Variants in GRIP2 observed in about 807,000 individuals in gnomAD.
GRIP2 encodes glutamate receptor-interacting protein 2.
GRIP2 carries 58 observed loss-of-function variants against 108.3 expected under a neutral mutation model. The observed-to-expected ratio is 0.54, with a 90% CI of 0.43 to 0.67. GRIP2 has a LOEUF of 0.67. GRIP2 is among the 30% of genes least tolerant of loss of function. The pLI is 0.00. For missense variants in GRIP2, 1,278 were observed against 1,430.6 expected (o/e 0.89, Z 1.72); for synonymous variants, 586 against 598.2 (o/e 0.98, Z 0.30).
intron 1 of GRIP2, among the ~76,000 whole-genome samples, chr3:14,539,176 T>C (rs1694902445): frequency 6.6e-6 from 1 of 152,044 alleles, no homozygotes; most frequent in Admixed American, 6.5e-5. Flanking sequence ...AACTGCAAAA[T>C]GGAGAGAATA....
chr3:14,588,335 C>G, the GRIP2 span, among the ~76,000 whole-genome samples: 2 of 152,130 alleles, frequency 1.3e-5, no homozygotes, highest in Non-Finnish European at 1.5e-5. Flanking sequence ...TGTGAGGAAC[C>G]CCGGCCTCCC....
chr3:14,519,108 ATGCTCGATAAATGG>A (rs1694336794), intron 9 of GRIP2, among the ~76,000 whole-genome samples: 1 of 152,228 alleles, frequency 6.6e-6, no homozygotes, highest in Non-Finnish European at 1.5e-5. Context: ...CACGTGGCAG[ATGCTCGATAAATGG>A]TACGAGAATG....
At chr3:14,502,541 AAGAC>A (rs767296806) in intron 21 of GRIP2, among the ~76,000 whole-genome samples, 1 of 152,188 alleles carries the variant, frequency 6.6e-6, no homozygotes, top group Non-Finnish European at 1.5e-5. Flanking sequence ...ATTGGAAAAA[AAGAC>A]AGGCAAATAA....
chr3:14,561,654 G>T, the GRIP2 span, among the ~76,000 whole-genome samples: 1 of 152,220 alleles, frequency 6.6e-6, no homozygotes, highest in Non-Finnish European at 1.5e-5. Context: ...GAGGCCCCAG[G>T]TTGCTGCCAT....
intron 3 of GRIP2, among the ~76,000 whole-genome samples, chr3:14,525,190 A>G (rs1694520030): frequency 6.6e-6 from 1 of 152,200 alleles, no homozygotes; most frequent in South Asian, 2.1e-4. Flanking sequence ...CCTGGAGGGC[A>G]GATATGGCCT....
Position 14,511,321 on chromosome 3 carries a change from C to CG in GRIP2, c.1788-12dup, listed in dbSNP as rs1306344937. 1.9e-6 allele frequency: 3 copies of CG among 1,613,944 alleles called. No individual in the cohort carries two copies. Among genetic ancestry groups the CG allele is most frequent in the Non-Finnish European group, 2.5e-6 (3 of 1,179,862 alleles). ...TCCAGGGTGCCCGTCCTGCATGAGTCGGGGGCAGAGGGGATGGAAGGAGCC... is the reference window on the plus strand; with the variant it reads ...TCCAGGGTGCCCGTCCTGCATGAGTCGGGGGGCAGAGGGGATGGAAGGAGCC... On this transcript the variant is annotated splice_polypyrimidine_tract_variant and intron_variant, in intron 15 of 23. Transcript: ENST00000621039. This position sits in a 1 kb window ranked among gnomAD's most constrained non-coding sequence, Gnocchi z 4.1.
chr3:14,539,706 C>G (rs1022106345), intron 1 of GRIP2, among the ~76,000 whole-genome samples: 4 of 152,178 alleles, frequency 2.6e-5, no homozygotes, highest in Non-Finnish European at 4.4e-5. Context: ...GGGTCCCAGC[C>G]TCAGCACACC....
At chr3:14,578,177 C>T in the GRIP2 span, among the ~76,000 whole-genome samples, 2 of 152,274 alleles carry the variant, frequency 1.3e-5, no homozygotes, top group Admixed American at 6.5e-5. Context: ...GCACTGTCAT[C>T]GACGAGGGCC....
rs543334805 is a variant in GRIP2 at position 14,533,465 on chromosome 3, C to T, written c.40+6804G>A. Among the ~76,000 whole-genome samples the T allele has an allele frequency of 2.6e-5, 4 of 152,292 alleles. No individual in the cohort carries two copies. The East Asian group carries it at 7.7e-4, about 29-fold the overall frequency. ...TAAGGAAAGGATAAGGAAGCCAAAG[C>T]CCAAGTTCACCAAATTCAGAGCAGT... On this transcript the variant is annotated intron_variant, in intron 1 of 23. Coordinates refer to ENST00000621039, the MANE Select transcript of GRIP2 (RefSeq NM_001080423.4).
chr3:14,494,725 C>T, intron 23 of GRIP2, 118 bp downstream of exon 23: 1 of 1,291,762 alleles, frequency 7.7e-7, no homozygotes, highest in Non-Finnish European at 1.0e-6. Flanking sequence ...CTTTGGCTAA[C>T]CTGACTCAGA....
At chr3:14,584,681 T>C in the GRIP2 span, among the ~76,000 whole-genome samples, 1 of 152,256 alleles carries the variant, frequency 6.6e-6, no homozygotes, top group African/African-American at 2.4e-5. Flanking sequence ...GGGCCATAAC[T>C]TGCCCAGGCT....
Position 14,505,764 on chromosome 3 carries a change from G to T in GRIP2, c.2424C>A (p.Ala808=). 6.4e-7 allele frequency: 1 copy of T among 1,566,522 alleles called. No individual in the cohort carries two copies. Among genetic ancestry groups the T allele is most frequent in the Non-Finnish European group, 8.6e-7 (1 of 1,156,196 alleles). Residue 808 remains alanine (A), a synonymous_variant, in exon 20 of 24, where the codon GCC becomes GCA. Coordinates refer to ENST00000621039, the MANE Select transcript of GRIP2 (RefSeq NM_001080423.4). The surrounding 1 kb of genome is among the most constrained non-coding windows in gnomAD (Gnocchi z 4.2). ...GPGSYTPQAA[A]RGTTPQERRP... ...TCCGCTCCTGGGGGGTCGTGCCCCG[G>T]GCTGCTGCCTGTGGTGTATAGGACC...
Position 14,540,191 on chromosome 3 carries a change from C to T in GRIP2, c.40+78G>A. The T allele has an allele frequency of 3.2e-6, 5 of 1,540,422 alleles. No individual in the cohort carries two copies. Among genetic ancestry groups the T allele is most frequent in the Non-Finnish European group, 3.5e-6 (4 of 1,130,748 alleles). ...GTCCCAGGTCTCAGCCATCCAGTCC[C>T]CTCTCTCTGGGCAGCAGCTCCAGAG... On this transcript the variant is annotated intron_variant, in intron 1 of 23. Coordinates refer to ENST00000621039, the MANE Select transcript of GRIP2 (RefSeq NM_001080423.4). This position sits in a 1 kb window ranked among gnomAD's most constrained non-coding sequence, Gnocchi z 4.1.
At chr3:14,598,225 C>A in the GRIP2 span, among the ~76,000 whole-genome samples, 1 of 152,028 alleles carries the variant, frequency 6.6e-6, no homozygotes, top group African/African-American at 2.4e-5. Flanking sequence ...CCTCTGCTTG[C>A]GGTTCTGACA....
In GRIP2 at chr3:14,507,585, G is replaced by A. The variant is rs1232302337; in HGVS notation, c.2194C>T (p.Leu732=). The A allele has an allele frequency of 1.2e-6, 2 of 1,613,824 alleles. No individual in the cohort carries two copies. The highest frequency in any genetic ancestry group is 2.2e-5 in the East Asian group (1 of 44,894). ...CGGTCTAGTTGCTTCTTGATCTTCAGTGTGACGGTCTCTCCAGCCACCTGC... is the reference window on the plus strand; with the variant it reads ...CGGTCTAGTTGCTTCTTGATCTTCAATGTGACGGTCTCTCCAGCCACCTGC... ...LLQVAGETVT[L]KIKKQLDRPL... is the part of the protein sequence containing the mutation. Residue 732 remains leucine, a synonymous_variant, in exon 18 of 24, where the codon CTG becomes TTG. Coordinates refer to ENST00000621039, the MANE Select transcript of GRIP2 (RefSeq NM_001080423.4). The surrounding 1 kb of genome is among the most constrained non-coding windows in gnomAD (Gnocchi z 4.6).
chr3:14,511,224 A>G lies in GRIP2; in HGVS notation c.1874T>C (p.Ile625Thr). 6.2e-7 allele frequency: 1 copy of G among 1,613,822 alleles called. No homozygotes were observed. The highest frequency in any genetic ancestry group is 8.5e-7 in the Non-Finnish European group (1 of 1,179,860). The stretch of plus-strand genomic sequence containing the variant: ...CACCAGGTCCTCGCACTGCCGCAGG[A>G]TTTGCACGGCGTCCTCCATGGGGCA... ...DNCPMEDAVQ[I>T]LRQCEDLVKL... Residue 625 changes from isoleucine to threonine, a missense_variant, in exon 16 of 24, where the codon ATC becomes ACC. By Grantham distance (89) the Ile-to-Thr change is moderately conservative. Coordinates refer to ENST00000621039, the MANE Select transcript of GRIP2 (RefSeq NM_001080423.4). The surrounding 1 kb of genome is among the most constrained non-coding windows in gnomAD (Gnocchi z 4.1).
chr3:14,594,482 C>CA, the GRIP2 span, among the ~76,000 whole-genome samples: 1 of 152,222 alleles, frequency 6.6e-6, no homozygotes, highest in Non-Finnish European at 1.5e-5. Flanking sequence ...GGCGCTCCCT[C>CA]ACCTTGCCTG....
chr3:14,515,028 G>A (rs557501848), intron 11 of GRIP2, among the ~76,000 whole-genome samples: 16 of 152,246 alleles, frequency 1.1e-4, no homozygotes, highest in African/African-American at 3.1e-4. Flanking sequence ...CTAGGCAACC[G>A]CGAATCTACT....
intron 10 of GRIP2, 76 bp from the exon 11 acceptor site, chr3:14,517,289 C>G: frequency 7.1e-7 from 1 of 1,413,098 alleles, no homozygotes; most frequent in South Asian, 1.6e-5. Context: ...TGCTGGGAAG[C>G]CACCCAACCA....
Sources: allele counts gnomAD v4.1 joint callset (sites outside exome capture counted in the v4.1 genomes callset), GRCh38; gene constraint gnomAD v4.1.1; non-coding constraint Gnocchi (gnomAD v3.1); transcripts MANE v1.5; gene names NCBI Gene and HGNC (gene_info 2026-07-23, HGNC 2026-07-21).